The following DPP10 variants were observed in gnomAD, a reference collection of about 807,000 sequenced individuals.
DPP10 encodes dipeptidyl peptidase like 10, also known as inactive dipeptidyl peptidase 10.
A neutral mutation model predicts 120.9 loss-of-function variants in DPP10; 33 were observed. That is an observed-to-expected ratio of 0.27 (90% confidence interval 0.21 to 0.37). DPP10 has a LOEUF of 0.37. DPP10 is among the 10% of genes least tolerant of loss of function. DPP10 has a pLI of 1.00. For synonymous variants in DPP10, 337 were observed against 326.1 expected, an observed-to-expected ratio of 1.03 and a Z score of -0.36; for missense variants, 816 against 942.8, an observed-to-expected ratio of 0.87 and a Z score of 1.76.
rs376764593 is a variant in DPP10, at chr2:114,682,569, A to AACT, written c.60+239732_60+239733insCTA. Among the ~76,000 whole-genome samples the AACT allele has an allele frequency of 1.2e-4, 18 of 149,164 alleles. 1 individual carries two copies. The Admixed American group carries it at 1.2e-3, about 10-fold the overall frequency. On this transcript the variant is annotated intron_variant, in intron 1 of 25. Coordinates refer to ENST00000410059, the MANE Select transcript of DPP10 (RefSeq NM_020868.6). The stretch of plus-strand genomic sequence containing the variant: ...TAATTCTAAATTGCAATCGATGGGT[A>AACT]ATTATTATTATTATTATTATTATTA...
intron 1 of DPP10, among the ~76,000 whole-genome samples, chr2:114,559,340 T>C (rs1688569446): frequency 6.6e-6 from 1 of 152,086 alleles, no homozygotes; most frequent in African/African-American, 2.4e-5. Context: ...AGTTGCTCCC[T>C]GGAGGACACA....
intron 1 of DPP10, among the ~76,000 whole-genome samples, chr2:115,252,369 A>C (rs922657720): frequency 6.6e-6 from 1 of 152,152 alleles, no homozygotes; most frequent in Non-Finnish European, 1.5e-5. Context: ...CTTTTACTTA[A>C]ATTATTTGAA....
intron 1 of DPP10, among the ~76,000 whole-genome samples, chr2:114,668,206 A>G (rs928394457): frequency 1.6e-4 from 25 of 152,264 alleles, no homozygotes; most frequent in Middle Eastern, 3.4e-3. Flanking sequence ...TGGTGGTGTG[A>G]TTCAGCCTGA....
intron 5 of DPP10, among the ~76,000 whole-genome samples, chr2:115,678,069 G>A (rs1285321735): frequency 6.6e-6 from 1 of 152,172 alleles, no homozygotes; most frequent in Non-Finnish European, 1.5e-5. Context: ...TCAAGTAAGA[G>A]GAAGCAGAGC....
intron 7 of DPP10, among the ~76,000 whole-genome samples, chr2:115,724,448 T>C (rs1311182511): frequency 6.6e-6 from 1 of 152,248 alleles, no homozygotes; most frequent in Non-Finnish European, 1.5e-5. Context: ...ACACATTGAT[T>C]CGAATATCCC....
intron 3 of DPP10, among the ~76,000 whole-genome samples, chr2:115,457,803 T>C (rs560336964): frequency 1.3e-5 from 2 of 152,256 alleles, no homozygotes; most frequent in African/African-American, 4.8e-5. Context: ...GTAATTCCAC[T>C]GTTATTTATA....
chr2:114,605,912 A>T (rs1468174782), intron 1 of DPP10, among the ~76,000 whole-genome samples: 2 of 152,214 alleles, frequency 1.3e-5, no homozygotes, highest in East Asian at 3.9e-4. Context: ...AGCCCATATT[A>T]TCTCCCTCTT....
chr2:115,401,391 G>C (rs973135860), intron 3 of DPP10, among the ~76,000 whole-genome samples: 1 of 152,118 alleles, frequency 6.6e-6, no homozygotes, highest in Non-Finnish European at 1.5e-5. Flanking sequence ...ACCAGCCTGG[G>C]TAACATAGAG....
intron 3 of DPP10, among the ~76,000 whole-genome samples, chr2:115,349,398 C>T (rs2063879052): frequency 1.3e-5 from 2 of 151,622 alleles, no homozygotes; most frequent in South Asian, 4.2e-4. Flanking sequence ...TAGCTAGAAG[C>T]ATAATACAAA....
intron 3 of DPP10, among the ~76,000 whole-genome samples, chr2:115,390,907 A>G (rs1445494723): frequency 6.6e-6 from 1 of 152,146 alleles, no homozygotes; most frequent in Non-Finnish European, 1.5e-5. Flanking sequence ...CCTCACCGTC[A>G]TCTTGTACTA....
chr2:115,816,485 G>A (rs952636255), intron 21 of DPP10, among the ~76,000 whole-genome samples: 14 of 152,098 alleles, frequency 9.2e-5, no homozygotes, highest in African/African-American at 2.4e-4. Context: ...GCATAATTAC[G>A]TCATCTGTGC....
intron 5 of DPP10, chr2:115,580,391 AT>A: frequency 6.6e-6 from 1 of 152,212 alleles, no homozygotes; most frequent in South Asian, 2.1e-4. Flanking sequence ...ATTGATCATT[AT>A]AATCAACATT....
chr2:114,647,728 CAGA>C (rs1361848555), intron 1 of DPP10, among the ~76,000 whole-genome samples: 1 of 150,508 alleles, frequency 6.6e-6, no homozygotes, highest in African/African-American at 2.5e-5. Flanking sequence ...ATAATTGTGT[CAGA>C]AGAATTCCCA....
At chr2:115,240,800 G>C (rs1163068568) in intron 1 of DPP10, among the ~76,000 whole-genome samples, 1 of 152,152 alleles carries the variant, frequency 6.6e-6, no homozygotes, top group East Asian at 1.9e-4. Flanking sequence ...AATCTTGTAA[G>C]ATAATTTTAT....
intron 1 of DPP10, among the ~76,000 whole-genome samples, chr2:115,143,754 G>A (rs571739407): frequency 6.6e-6 from 1 of 152,260 alleles, no homozygotes; most frequent in South Asian, 2.1e-4. Flanking sequence ...CATGGAATGA[G>A]CTAAGTACCA....
In DPP10 at chr2:114,635,656, A is replaced by G. The variant is rs188991487; in HGVS notation, c.60+192818A>G. Among the ~76,000 whole-genome samples the G allele has an allele frequency of 1.1e-4, 17 of 152,036 alleles. No homozygotes were observed. The East Asian group carries it at 3.1e-3, about 28-fold the overall frequency. ...TGGTAGATTGAACACATTGACTTGT[A>G]TTAAGGCAGCAGATCTCAAACTTTT... On this transcript the variant is annotated intron_variant, in intron 1 of 25. Coordinates refer to ENST00000410059, the MANE Select transcript of DPP10 (RefSeq NM_020868.6).
chr2:114,673,371 T>C (rs1475898955), intron 1 of DPP10, among the ~76,000 whole-genome samples: 3 of 152,204 alleles, frequency 2.0e-5, no homozygotes, highest in Non-Finnish European at 4.4e-5. Context: ...ATGTATTTCC[T>C]ACTCAGATCT....
intron 1 of DPP10, among the ~76,000 whole-genome samples, chr2:114,471,846 CAT>C (rs1679945339): frequency 1.3e-5 from 2 of 152,110 alleles, no homozygotes; most frequent in South Asian, 4.1e-4. Flanking sequence ...GCACTAGAAA[CAT>C]AATGATCAGT....
At chr2:115,563,389 G>T (rs1025312833) in intron 5 of DPP10, among the ~76,000 whole-genome samples, 1 of 152,076 alleles carries the variant, frequency 6.6e-6, no homozygotes, top group African/African-American at 2.4e-5. Flanking sequence ...ATGATATTTT[G>T]TTTTTATATT....
Sources: allele counts gnomAD v4.1 joint callset (sites outside exome capture counted in the v4.1 genomes callset), GRCh38; gene constraint gnomAD v4.1.1; transcripts MANE v1.5; gene names NCBI Gene and HGNC (gene_info 2026-07-23, HGNC 2026-07-21).